ATG4D: variants seen among roughly 807,000 people sequenced by gnomAD.
The protein encoded by ATG4D is autophagy related 4D cysteine peptidase, also known as cysteine protease ATG4D.
A neutral mutation model predicts 55.2 loss-of-function variants in ATG4D; 51 were observed. That is an observed-to-expected ratio of 0.92 (90% confidence interval 0.74 to 1.17). The LOEUF is 1.17. ATG4D is among the 50% of genes most tolerant of loss of function. The pLI, the probability that ATG4D is intolerant of heterozygous loss-of-function variation, is 0.00. For missense variants in ATG4D, 635 were observed against 649.6 expected (o/e 0.98, Z 0.25); for synonymous variants, 268 against 266.2 (o/e 1.01, Z -0.07).
At position 10,552,956 on chromosome 19, in the gene ATG4D, C is replaced by T; in HGVS notation, c.1314C>T (p.His438=). 1 of 1,613,804 alleles carries T rather than the reference C, an allele frequency of 6.2e-7. No homozygotes were observed. The highest frequency in any genetic ancestry group is 8.5e-7 in the Non-Finnish European group (1 of 1,179,990). ...TGGCCGAGGGCCATGCTCAGGACCA[C>T]AGCCTGGACGACCTCTGCTCCCAGC... ...FTLAEGHAQD[H]SLDDLCSQLA... is the part of the protein sequence containing the mutation. The change falls in exon 10 of 10, where the codon CAC becomes CAT. Residue 438 remains histidine (H), a synonymous_variant. Coordinates refer to ENST00000309469, the MANE Select transcript of ATG4D (RefSeq NM_032885.6).
chr19:10,544,000 C>T lies in ATG4D; in HGVS notation c.-91C>T, dbSNP rs1915944897. 1.1e-6 allele frequency: 1 copy of T among 903,080 alleles called. No homozygotes were observed. The allele number at this position is 903,080 out of a possible 1,614,324, so 55.9% of individuals were successfully genotyped here. A position where few individuals can be genotyped will look rare whatever the true frequency, so the allele number is the denominator to read the frequency against. On this transcript the variant is annotated 5_prime_UTR_variant, in exon 1 of 10. Coordinates refer to ENST00000309469, the MANE Select transcript of ATG4D (RefSeq NM_032885.6). Reference sequence around the variant, plus strand: ...GGACGGGGGCCGAGTAGCGCCTTCCCCGGGCCCCGTGAACCGGCTGCGGGT... The same window carrying T: ...GGACGGGGGCCGAGTAGCGCCTTCCTCGGGCCCCGTGAACCGGCTGCGGGT...
intron 6 of ATG4D, among the ~76,000 whole-genome samples, chr19:10,550,361 G>A (rs1253464460): frequency 2.0e-5 from 3 of 152,140 alleles, no homozygotes; most frequent in Admixed American, 2.0e-4. Context: ...GAGGGTAGCA[G>A]CAGAGCCTAG....
intron 9 of ATG4D, among the ~76,000 whole-genome samples, chr19:10,552,634 G>T (rs1374194330): frequency 2.6e-5 from 4 of 152,146 alleles, no homozygotes; most frequent in African/African-American, 7.2e-5. Flanking sequence ...CAGCCATTCT[G>T]GGCACCCACC....
chr19:10,544,635 C>T, intron 1 of ATG4D, 148 bp from the exon 2 acceptor site: 7 of 1,451,612 alleles, frequency 4.8e-6, no homozygotes, highest in Non-Finnish European at 6.4e-6. Flanking sequence ...GTAGCTGTCA[C>T]TGGGGGCCCC....
At chr19:10,544,611 T>C (rs902142999) in intron 1 of ATG4D, 172 bp from the exon 2 acceptor site, 55 of 1,281,748 alleles carry the variant, frequency 4.3e-5, no homozygotes, top group Admixed American at 8.9e-5. Context: ...CCTGAATTGA[T>C]GGTGGACACT....
rs80188897 is a variant in ATG4D at position 10,551,708 on chromosome 19, A to G, written c.967-189A>G. Among the ~76,000 whole-genome samples, 6,158 of 151,496 alleles carry G rather than the reference A, an allele frequency of 0.041. 783 individuals carry two copies. The East Asian group carries it at 0.47, about 12-fold the overall frequency. On this transcript the variant is annotated intron_variant, in intron 6 of 9. Coordinates refer to ENST00000309469, the MANE Select transcript of ATG4D (RefSeq NM_032885.6). ...GTGAGACTCCGTCTCAAAAAAAAAA[A>G]AAAAAAAAAAATTCATGTAATCATC...
intron 6 of ATG4D, 67 bp downstream of exon 6, chr19:10,549,101 G>C: frequency 6.3e-7 from 1 of 1,586,432 alleles, no homozygotes; most frequent in Non-Finnish European, 8.6e-7. Flanking sequence ...GTTTGTGTTA[G>C]GGCTGCTGTT....
intron 5 of ATG4D, among the ~76,000 whole-genome samples, chr19:10,548,533 G>A (rs1484688481): frequency 2.0e-5 from 3 of 152,102 alleles, no homozygotes; most frequent in Non-Finnish European, 4.4e-5. Flanking sequence ...TTTGGTTTAG[G>A]GGCTGAGTGC....
At chr19:10,546,785 G>A in intron 3 of ATG4D, 54 bp from the exon 4 acceptor site, 1 of 1,502,728 alleles carries the variant, frequency 6.7e-7, no homozygotes, top group Non-Finnish European at 8.9e-7. Context: ...GTGTAGATGG[G>A]ACCTCTGCCC....
At chr19:10,552,504 T>G (rs1012761342) in intron 9 of ATG4D, among the ~76,000 whole-genome samples, 180 bp downstream of exon 9, 2 of 152,166 alleles carry the variant, frequency 1.3e-5, no homozygotes, top group African/African-American at 2.4e-5. Context: ...AAGCCCACTG[T>G]TAAGGCATCA....
At chr19:10,548,783 G>C (rs1916128903) in intron 5 of ATG4D, 121 bp from the exon 6 acceptor site, 6 of 1,412,624 alleles carry the variant, frequency 4.2e-6, no homozygotes, top group African/African-American at 1.4e-5. Context: ...ATTTTGGTTA[G>C]TGATGACAGT....
chr19:10,546,841 T>A lies in ATG4D; in HGVS notation c.496T>A (p.Trp166Arg). ...GACTATGTGCTCCATTCCACCAGAC[T>A]GGACATGGGCCGAGGGCATGGGCCT... ...GLLLHFLPRDWTWAEGMGLGP... is the reference protein window; with the variant it reads ...GLLLHFLPRDRTWAEGMGLGP... Residue 166 changes from tryptophan to arginine, a missense_variant and splice_region_variant, in exon 4 of 10, where the codon TGG (tryptophan) becomes AGG (arginine). Coordinates refer to ENST00000309469, the MANE Select transcript of ATG4D (RefSeq NM_032885.6). 1 of 1,576,490 alleles carries A rather than the reference T, an allele frequency of 6.3e-7. No individual in the cohort carries two copies. The highest frequency in any genetic ancestry group is 8.6e-7 in the Non-Finnish European group (1 of 1,158,214).
At chr19:10,552,434 C>A (rs543717667) in intron 9 of ATG4D, 110 bp downstream of exon 9, 3 of 1,366,524 alleles carry the variant, frequency 2.2e-6, no homozygotes, top group South Asian at 2.9e-5. Flanking sequence ...TGCTTCCAGG[C>A]TAGGGGTCCT....
In ATG4D at chr19:10,549,103, G is replaced by T. The variant is rs1162812668; in HGVS notation, c.966+69G>T. On this transcript the variant is annotated intron_variant, in intron 6 of 9. Transcript: ENST00000309469. ...CCAGACTTGTTTAGTTTGTGTTAGG[G>T]CTGCTGTTTGTGCAGCCCTCATCAC... 1.9e-6 allele frequency: 3 copies of T among 1,582,256 alleles called. No individual in the cohort carries two copies. In the African/African-American group the frequency reaches 4.1e-5, roughly 21 times the overall value.
chr19:10,548,657 A>G (rs956010329), intron 5 of ATG4D, among the ~76,000 whole-genome samples: 4 of 152,010 alleles, frequency 2.6e-5, no homozygotes, highest in Admixed American at 6.6e-5. Context: ...CCTTCTGTAT[A>G]TACTTTTGGT....
intron 5 of ATG4D, among the ~76,000 whole-genome samples, chr19:10,547,942 C>T (rs1250647624): frequency 6.8e-6 from 1 of 146,656 alleles, no homozygotes; most frequent in Non-Finnish European, 1.5e-5. Context: ...GGTGATTCGC[C>T]CACTTTGGCC....
intron 6 of ATG4D, among the ~76,000 whole-genome samples, chr19:10,551,322 C>T (rs1256669553): frequency 2.6e-5 from 4 of 152,038 alleles, no homozygotes; most frequent in Non-Finnish European, 4.4e-5. Flanking sequence ...ATTAGCTGGG[C>T]GTGGTGGCGG....
intron 3 of ATG4D, 99 bp from the exon 4 acceptor site, chr19:10,546,740 G>T: frequency 8.3e-7 from 1 of 1,206,108 alleles, no homozygotes; most frequent in South Asian, 1.7e-5. Context: ...GTTGAATTAC[G>T]GGGTTCAGGA....
chr19:10,552,848 CTGTT>C (rs1276804517), intron 9 of ATG4D, 33 bp from the exon 10 acceptor site: 2 of 1,576,240 alleles, frequency 1.3e-6, no homozygotes, highest in Admixed American at 1.7e-5. Flanking sequence ...TGGCTTGGCA[CTGTT>C]TGTGGCTGAC....
Sources: gnomAD v4.1 joint callset for allele counts (sites outside exome capture counted in the v4.1 genomes callset) on GRCh38, gnomAD v4.1.1 for gene constraint, MANE v1.5 for transcripts, NCBI Gene and HGNC (gene_info 2026-07-23, HGNC 2026-07-21) for gene names.